SCAP: variants seen among roughly 807,000 people sequenced by gnomAD.
The protein encoded by SCAP is SREBF chaperone, also known as sterol regulatory element-binding protein cleavage-activating protein.
In SCAP, 65 loss-of-function variants were observed where a neutral mutation model predicts 123.6. The ratio of observed to expected loss-of-function variants is 0.53; its 90% CI spans 0.43 to 0.65. The LOEUF (loss-of-function observed/expected upper bound fraction) is 0.65, where lower values mean the gene tolerates loss of function less well. Among genes scored for constraint, SCAP ranks in the 30% least tolerant of loss-of-function variants. The probability of loss-of-function intolerance (pLI) is 0.00; values close to 1 mark genes in which losing one functional copy is unlikely to be tolerated. For synonymous variants in SCAP, 740 were observed against 726.3 expected (o/e 1.02, Z -0.30); for missense variants, 1,398 against 1,712.5 (o/e 0.82, Z 3.24).
Position 47,449,725 on chromosome 3 carries a change from C to A in SCAP, c.-98-6634G>T, listed in dbSNP as rs970356322. On this transcript the variant is annotated intron_variant, in intron 1 of 22. Coordinates refer to ENST00000265565, the MANE Select transcript of SCAP (RefSeq NM_012235.4). ...GTTTGGGGCTGACTTTAAGTGCAGG[C>A]TGGAAAATATTGTATGGAGGAAAAA... Among the ~76,000 whole-genome samples, 3 of 124,052 alleles carry A rather than the reference C, an allele frequency of 2.4e-5. 1 individual carries two copies. Among genetic ancestry groups the A allele is most frequent in the Non-Finnish European group, 5.3e-5 (3 of 56,176 alleles). The allele number at this position is 124,052 out of a possible 152,430, so 81.4% of individuals were successfully genotyped here.
Position 47,420,583 on chromosome 3 carries a change from G to A in SCAP, c.1534C>T (p.Arg512Cys), listed in dbSNP as rs745456038. The A allele has an allele frequency of 6.2e-6, 10 of 1,608,962 alleles. No homozygotes were observed. The highest frequency in any genetic ancestry group is 1.7e-5 in the Admixed American group (1 of 59,702). ...KRLRVVYFLA[R>C]TRLAQRLIMA... The stretch of plus-strand genomic sequence containing the variant: ...ATGAGGCGCTGTGCCAGGCGGGTGC[G>A]GGCCAGGAAGTAGACAACACGCAGC... The change falls in exon 12 of 23, where the codon CGC (arginine) becomes TGC (cysteine). Residue 512 changes from arginine to cysteine, a missense_variant. Physicochemically the swap from Arg to Cys is radical, Grantham distance 180. Around this residue, in one of 7 missense-constraint regions of SCAP, gnomAD observed 828 missense variants for 882.5 expected, o/e 0.94. Transcript: ENST00000265565. The surrounding 1 kb of genome is among the most constrained non-coding windows in gnomAD (Gnocchi z 5.0).
intron 1 of SCAP, among the ~76,000 whole-genome samples, chr3:47,466,256 C>T (rs1384754884): frequency 6.6e-6 from 1 of 151,774 alleles, no homozygotes; most frequent in African/African-American, 2.4e-5. Flanking sequence ...AGGACTCACA[C>T]TTCCTGATTT....
intron 1 of SCAP, chr3:47,469,940 T>C: frequency 2.4e-6 from 1 of 416,622 alleles, no homozygotes; most frequent in South Asian, 2.0e-5. Context: ...ACAGCTCTAC[T>C]ATTGTGAAGA....
At chr3:47,428,822 G>T in intron 3 of SCAP, 152 bp from the exon 4 acceptor site, 1 of 756,498 alleles carries the variant, frequency 1.3e-6, no homozygotes, top group Non-Finnish European at 2.0e-6. Context: ...TTGCAGGATG[G>T]CAGATAAGAA....
chr3:47,416,514 C>T (rs1425477109), intron 18 of SCAP, among the ~76,000 whole-genome samples: 1 of 150,750 alleles, frequency 6.6e-6, no homozygotes, highest in Non-Finnish European at 1.5e-5. Flanking sequence ...TTGAGAAGGG[C>T]GAGAAAGGAT....
Position 47,420,924 on chromosome 3 carries a change from C to G in SCAP, c.1344+7G>C. Reference sequence around the variant, plus strand: ...GGCGGGCAGGGCAGGGCTCAGCCCACTCCTACCTCCATCCGGCGAATGTCA... The same window carrying G: ...GGCGGGCAGGGCAGGGCTCAGCCCAGTCCTACCTCCATCCGGCGAATGTCA... On this transcript the variant is annotated splice_region_variant and intron_variant, in intron 11 of 22. Transcript: ENST00000265565. This position sits in a 1 kb window ranked among gnomAD's most constrained non-coding sequence, Gnocchi z 5.0. 1 of 1,613,086 alleles carries G rather than the reference C, an allele frequency of 6.2e-7. No individual in the cohort carries two copies. The highest frequency in any genetic ancestry group is 8.5e-7 in the Non-Finnish European group (1 of 1,179,278).
intron 3 of SCAP, among the ~76,000 whole-genome samples, chr3:47,430,817 C>T: frequency 6.6e-6 from 1 of 151,880 alleles, no homozygotes; most frequent in South Asian, 2.1e-4. Flanking sequence ...GGATGAGGGG[C>T]TGTCTCCACG....
At chr3:47,443,679 T>A (rs985415773) in intron 1 of SCAP, among the ~76,000 whole-genome samples, 3 of 152,210 alleles carry the variant, frequency 2.0e-5, no homozygotes, top group Non-Finnish European at 4.4e-5. Context: ...GGTAGAACTC[T>A]CTGCTCTTGG....
intron 2 of SCAP, 131 bp downstream of exon 2, chr3:47,442,741 A>G: frequency 1.3e-6 from 1 of 748,374 alleles, no homozygotes; most frequent in East Asian, 2.6e-5. Flanking sequence ...CTCCACTCAC[A>G]GTTATAAGGA....
At position 47,418,914 on chromosome 3, in the gene SCAP, G is replaced by C; in HGVS notation, c.1941-71C>G. On this transcript the variant is annotated intron_variant, in intron 13 of 22. Transcript: ENST00000265565. ...TTCCTCCTGCTGTGCTCGCCAGCCA[G>C]TCCTCTCCCTCCTCCCCAGGCAGGC... The C allele has an allele frequency of 2.9e-6, 4 of 1,398,186 alleles. No homozygotes were observed. The South Asian group carries it at 6.0e-5, about 21-fold the overall frequency. The allele number at this position is 1,398,186 out of a possible 1,614,324, so 86.6% of individuals were successfully genotyped here.
intron 1 of SCAP, among the ~76,000 whole-genome samples, chr3:47,474,031 C>T (rs1333387730): frequency 6.6e-6 from 1 of 151,886 alleles, no homozygotes; most frequent in Non-Finnish European, 1.5e-5. Flanking sequence ...TTTGGGAGGC[C>T]GAAGCGGACG....
chr3:47,454,759 A>T (rs1003562374), intron 1 of SCAP, among the ~76,000 whole-genome samples: 46 of 151,958 alleles, frequency 3.0e-4, no homozygotes, highest in Non-Finnish European at 4.9e-4. Context: ...ATAATAATAA[A>T]AAAAATACAC....
chr3:47,443,306 T>TCC (rs752720257), intron 1 of SCAP: 18,868 of 86,906 alleles, frequency 0.22, 2,019 homozygotes, highest in East Asian at 0.27. Context: ...TCTCTCTCTC[T>TCC]CTCTCCCTCC....
At position 47,417,311 on chromosome 3, in the gene SCAP, C is replaced by T. The variant is rs780168122; in HGVS notation, c.2963G>A (p.Arg988Gln). The change falls in exon 17 of 23, where the codon CGG (arginine) becomes CAG (glutamine). Residue 988 changes from arginine to glutamine, a missense_variant. Transcript: ENST00000265565. ...TTTAGCCCCTCTGCCCACCTCCAGC[C>T]GGCCGCTGCTCCGCCCCACCACGAT... ...NLIVVGRSSG[R>Q]LEVWDAIEGV... The T allele has an allele frequency of 2.3e-5, 37 of 1,612,076 alleles. No homozygotes were observed. Among genetic ancestry groups the T allele is most frequent in the Middle Eastern group, 1.6e-4 (1 of 6,084 alleles).
intron 1 of SCAP, among the ~76,000 whole-genome samples, chr3:47,460,934 G>A (rs964023178): frequency 1.1e-4 from 17 of 152,134 alleles, no homozygotes; most frequent in Admixed American, 1.1e-3. Flanking sequence ...GGAGAAATGT[G>A]GCAAAGAAGA....
chr3:47,418,720 C>T lies in SCAP; in HGVS notation c.2064G>A (p.Gly688=), dbSNP rs745676026. 2 of 1,604,740 alleles carry T rather than the reference C, an allele frequency of 1.2e-6. No homozygotes were observed. Among genetic ancestry groups the T allele is most frequent in the Admixed American group, 1.7e-5 (1 of 59,300 alleles). ...AWPPPGPIPA[G]HWEAGPKGPG... is the part of the protein sequence containing the mutation. Reference sequence around the variant, plus strand: ...GGCCCTTGGGTCCTGCTTCCCAGTGCCCAGCAGGTATGGGCCCCGGTGGGG... The same window carrying T: ...GGCCCTTGGGTCCTGCTTCCCAGTGTCCAGCAGGTATGGGCCCCGGTGGGG... Residue 688 remains glycine (G), a synonymous_variant, in exon 14 of 23, where the codon GGG becomes GGA. Coordinates refer to ENST00000265565, the MANE Select transcript of SCAP (RefSeq NM_012235.4).
At chr3:47,463,301 T>A (rs1298554548) in intron 1 of SCAP, among the ~76,000 whole-genome samples, 2 of 152,176 alleles carry the variant, frequency 1.3e-5, no homozygotes, top group Non-Finnish European at 2.9e-5. Context: ...TACTCTCCCA[T>A]CACTGACCAT....
chr3:47,422,058 G>A (rs912375411), intron 10 of SCAP, among the ~76,000 whole-genome samples: 2 of 152,262 alleles, frequency 1.3e-5, no homozygotes, highest in Non-Finnish European at 1.5e-5. Flanking sequence ...GGAACCCCAC[G>A]GTGCTTCTCC....
intron 1 of SCAP, among the ~76,000 whole-genome samples, chr3:47,468,737 G>T (rs1297936790): frequency 6.6e-6 from 1 of 152,144 alleles, no homozygotes; most frequent in Non-Finnish European, 1.5e-5. Flanking sequence ...GATCCCATTT[G>T]TCAATTTTGG....
Sources: allele counts gnomAD v4.1 joint callset (sites outside exome capture counted in the v4.1 genomes callset), GRCh38; gene constraint gnomAD v4.1.1; regional missense constraint gnomAD v4.1.1; non-coding constraint Gnocchi (gnomAD v3.1); transcripts MANE v1.5; gene names NCBI Gene and HGNC (gene_info 2026-07-23, HGNC 2026-07-21).